Variants in GPM6B observed in about 807,000 individuals in gnomAD.
GPM6B encodes the protein glycoprotein M6B.
In GPM6B, 4 loss-of-function variants were observed where a neutral mutation model predicts 27.2. The ratio of observed to expected loss-of-function variants is 0.15; its 90% CI spans 0.07 to 0.34. The LOEUF (loss-of-function observed/expected upper bound fraction) is 0.34. Among genes scored for constraint, GPM6B ranks in the 10% least tolerant of loss-of-function variants. The probability of loss-of-function intolerance (pLI) is 1.00; values close to 1 mark genes in which losing one functional copy is unlikely to be tolerated. For synonymous variants in GPM6B, 124 were observed against 103.1 expected, an observed-to-expected ratio of 1.20 and a Z score of -1.23; for missense variants, 183 against 261.9, an observed-to-expected ratio of 0.70 and a Z score of 2.08.
chrX:13,848,587 A>G (rs1652467676), intron 1 of GPM6B, among the ~76,000 whole-genome samples: 1 of 112,445 alleles, frequency 8.9e-6, no homozygotes, highest in African/African-American at 3.2e-5. Flanking sequence ...TAGAATGGCT[A>G]TAAGAAAAAA....
chrX:13,842,321 T>C (rs1383059604), intron 1 of GPM6B, among the ~76,000 whole-genome samples: 1 of 112,448 alleles, frequency 8.9e-6, no homozygotes, highest in African/African-American at 3.2e-5. Context: ...GTACCATCTC[T>C]TTTAAGAAAC....
intron 1 of GPM6B, among the ~76,000 whole-genome samples, chrX:13,850,417 C>T (rs971846983): frequency 2.7e-5 from 3 of 112,694 alleles, no homozygotes; most frequent in East Asian, 2.8e-4. Flanking sequence ...CTTGTACAGT[C>T]TCCAGAACTG....
intron 1 of GPM6B, among the ~76,000 whole-genome samples, chrX:13,813,650 A>C (rs756263399): frequency 8.9e-6 from 1 of 112,280 alleles, no homozygotes; most frequent in East Asian, 2.8e-4. Flanking sequence ...CACTCTCAGC[A>C]ATTTCAGATG....
chrX:13,825,673 G>A lies in GPM6B; in HGVS notation c.-197-39865C>T, dbSNP rs7059888. 6.7e-3 allele frequency among the ~76,000 whole-genome samples: 751 copies of A among 112,798 alleles called. 10 individuals are homozygous for A. The highest frequency in any genetic ancestry group is 0.022 in the African/African-American group (692 of 31,063). ...CTTTACAGGGGGGCTACAGAAGTTC[G>A]GTTGGGAGGTGAAGAAGAGGAAGCA... On this transcript the variant is annotated intron_variant, in intron 1 of 6. Coordinates refer to the GPM6B transcript ENST00000398361.
chrX:13,937,502 T>C (rs775160932), intron 1 of GPM6B, among the ~76,000 whole-genome samples: 4 of 111,701 alleles, frequency 3.6e-5, no homozygotes, highest in African/African-American at 6.5e-5. Context: ...ACTGACGTCC[T>C]CGTTAGGAAT....
intron 1 of GPM6B, among the ~76,000 whole-genome samples, chrX:13,848,789 G>A (rs1409045824): frequency 8.9e-6 from 1 of 112,332 alleles, no homozygotes; most frequent in Non-Finnish European, 1.9e-5. Flanking sequence ...ACTTGTACAT[G>A]AATGTTCACA....
chrX:13,936,878 G>A (rs1385683866), intron 1 of GPM6B, among the ~76,000 whole-genome samples: 7 of 112,452 alleles, frequency 6.2e-5, no homozygotes, highest in Non-Finnish European at 1.3e-4. Context: ...TTCTGGAGAA[G>A]GTCCCCGTGT....
At chrX:13,907,601 C>T (rs2050342357) in intron 1 of GPM6B, among the ~76,000 whole-genome samples, 2 of 107,574 alleles carry the variant, frequency 1.9e-5, no homozygotes, top group African/African-American at 6.8e-5. Flanking sequence ...ACCCGGGAGG[C>T]GGAGGTTGCA....
At chrX:13,850,321 C>T (rs1603078815) in intron 1 of GPM6B, among the ~76,000 whole-genome samples, 2 of 112,240 alleles carry the variant, frequency 1.8e-5, no homozygotes, top group East Asian at 5.6e-4. Context: ...TCCTCTCTCA[C>T]ACTCTATGTG....
intron 1 of GPM6B, among the ~76,000 whole-genome samples, chrX:13,890,749 C>T (rs962340178): frequency 9.0e-6 from 1 of 111,426 alleles, no homozygotes. Flanking sequence ...GACAACCAAA[C>T]GCATCTGCCA....
intron 1 of GPM6B, among the ~76,000 whole-genome samples, chrX:13,913,447 C>A (rs2147059502): frequency 9.0e-6 from 1 of 111,495 alleles, no homozygotes; most frequent in Admixed American, 9.5e-5. Flanking sequence ...GCCACCATGC[C>A]CAGCCTCCAT....
intron 1 of GPM6B, among the ~76,000 whole-genome samples, chrX:13,811,337 TCA>T (rs2049128190): frequency 8.9e-6 from 1 of 112,529 alleles, no homozygotes; most frequent in Non-Finnish European, 1.9e-5. Context: ...CAAATGAACT[TCA>T]GACTGTCATG....
chrX:13,891,858 G>A (rs933965596), intron 1 of GPM6B, among the ~76,000 whole-genome samples: 1 of 111,815 alleles, frequency 8.9e-6, no homozygotes, highest in African/African-American at 3.2e-5. Flanking sequence ...TGTACTCAGG[G>A]CAGGGAAAAA....
At chrX:13,855,648 T>C (rs939922213) in intron 1 of GPM6B, among the ~76,000 whole-genome samples, 3 of 112,047 alleles carry the variant, frequency 2.7e-5, no homozygotes. Context: ...TACGGTCAAG[T>C]ATGCAAAGGT....
At chrX:13,774,676 T>C (rs1441225440) in intron 7 of GPM6B, 7 of 973,697 alleles carry the variant, frequency 7.2e-6, no homozygotes, top group Non-Finnish European at 8.8e-6. Flanking sequence ...TGAGGGCCGA[T>C]GCCATGACAC....
chrX:13,849,833 C>T (rs1403079086), intron 1 of GPM6B, among the ~76,000 whole-genome samples: 5 of 109,351 alleles, frequency 4.6e-5, no homozygotes, highest in Admixed American at 2.0e-4. Flanking sequence ...GCTGAGGGGG[C>T]GGGTCACCTG....
intron 1 of GPM6B, among the ~76,000 whole-genome samples, chrX:13,873,533 T>C (rs2050002576): frequency 8.9e-6 from 1 of 112,198 alleles, no homozygotes; most frequent in Non-Finnish European, 1.9e-5. Context: ...TGTCACTAAA[T>C]TGTTGACCTT....
chrX:13,798,618 C>T (rs774766278), intron 2 of GPM6B, among the ~76,000 whole-genome samples: 20 of 112,593 alleles, frequency 1.8e-4, no homozygotes, highest in African/African-American at 5.2e-4. Flanking sequence ...CAGGAAACAC[C>T]GATACATAGA....
At chrX:13,842,968 C>G (rs971866215) in intron 1 of GPM6B, among the ~76,000 whole-genome samples, 2 of 111,335 alleles carry the variant, frequency 1.8e-5, no homozygotes, top group Non-Finnish European at 3.8e-5. Flanking sequence ...TTTAAGTGTA[C>G]AATTTTTAAT....
Sources: allele counts gnomAD v4.1 joint callset (sites outside exome capture counted in the v4.1 genomes callset), GRCh38; gene constraint gnomAD v4.1.1; transcripts MANE v1.5; gene names NCBI Gene and HGNC (gene_info 2026-07-23, HGNC 2026-07-21).